ACOT12: variants seen among roughly 807,000 people sequenced by gnomAD.
ACOT12 encodes the protein acyl-CoA thioesterase 12.
Under a neutral mutation model 67.7 loss-of-function variants are expected in ACOT12, and 51 were observed. That is an observed-to-expected ratio of 0.75 (90% CI 0.60 to 0.95). The LOEUF is 0.95. Ranked by LOEUF, ACOT12 falls within the 40% of genes least tolerant of loss-of-function variation. The pLI is 0.00. For missense variants in ACOT12, 734 were observed against 708.1 expected (o/e 1.04, Z -0.41); for synonymous variants, 251 against 244.6 (o/e 1.03, Z -0.24).
intron 11 of ACOT12, among the ~76,000 whole-genome samples, chr5:81,339,579 G>T (rs1479933739): frequency 6.6e-6 from 1 of 152,132 alleles, no homozygotes; most frequent in Non-Finnish European, 1.5e-5. Context: ...GGTAAGAATG[G>T]CCTCCTCTCT....
At chr5:81,358,637 G>C (rs1759799479) in intron 5 of ACOT12, among the ~76,000 whole-genome samples, 1 of 152,154 alleles carries the variant, frequency 6.6e-6, no homozygotes, top group Non-Finnish European at 1.5e-5. Context: ...ATCACCTGAG[G>C]TTGGGAGTTC....
At chr5:81,341,577 A>G (rs1192549806) in intron 11 of ACOT12, among the ~76,000 whole-genome samples, 1 of 152,186 alleles carries the variant, frequency 6.6e-6, no homozygotes, top group Non-Finnish European at 1.5e-5. Flanking sequence ...ATCAGTGCAT[A>G]CTGAAATATG....
At chr5:81,370,133 T>C (rs181788264) in intron 3 of ACOT12, among the ~76,000 whole-genome samples, 1 of 151,940 alleles carries the variant, frequency 6.6e-6, no homozygotes. Context: ...ATACAAAAAT[T>C]AGTGGTGGCA....
chr5:81,326,534 C>A (rs992878519), downstream of ACOT12, among the ~76,000 whole-genome samples: 3 of 152,184 alleles, frequency 2.0e-5, no homozygotes, highest in Admixed American at 6.5e-5. Flanking sequence ...CAGCAAGCAG[C>A]ATAAGTATCA....
At chr5:81,376,933 C>T (rs984964824) in intron 2 of ACOT12, among the ~76,000 whole-genome samples, 3 of 152,184 alleles carry the variant, frequency 2.0e-5, no homozygotes, top group Non-Finnish European at 2.9e-5. Flanking sequence ...GGTACCATTC[C>T]TTCTGAAACA....
intron 6 of ACOT12, among the ~76,000 whole-genome samples, chr5:81,347,060 A>T (rs1759403365): frequency 6.6e-6 from 1 of 152,102 alleles, no homozygotes; most frequent in Non-Finnish European, 1.5e-5. Context: ...GGCCATAATT[A>T]TTTTTAACCA....
chr5:81,385,592 GC>G (rs1406313108), intron 2 of ACOT12, among the ~76,000 whole-genome samples, 164 bp downstream of exon 2: 1 of 152,088 alleles, frequency 6.6e-6, no homozygotes, highest in Non-Finnish European at 1.5e-5. Context: ...TTATAAGTAG[GC>G]CCTATGATTA....
Position 81,335,919 on chromosome 5 carries a change from A to G in ACOT12, c.1129-18T>C. ...ATTTTTATCTAAAAGACAACAAAAA[A>G]ATTAAATTACGAAAGAAAACTGATG... On this transcript the variant is annotated intron_variant, in intron 11 of 14. Transcript: ENST00000307624. The G allele has an allele frequency of 6.3e-7, 1 of 1,591,384 alleles. No homozygotes were observed.
chr5:81,367,282 G>A (rs569399354), intron 3 of ACOT12, among the ~76,000 whole-genome samples: 1 of 152,182 alleles, frequency 6.6e-6, no homozygotes, highest in East Asian at 1.9e-4. Flanking sequence ...AAATATGTGG[G>A]TATATATATA....
chr5:81,351,638 A>G (rs1368752926), intron 5 of ACOT12, among the ~76,000 whole-genome samples: 1 of 152,230 alleles, frequency 6.6e-6, no homozygotes, highest in Non-Finnish European at 1.5e-5. Context: ...TAAGACCTCA[A>G]ACTATAAAAC....
At chr5:81,337,765 T>C (rs1030057177) in intron 11 of ACOT12, among the ~76,000 whole-genome samples, 3 of 152,118 alleles carry the variant, frequency 2.0e-5, no homozygotes, top group African/African-American at 7.2e-5. Context: ...TGTGAGACAA[T>C]AGATTTCTAA....
intron 13 of ACOT12, among the ~76,000 whole-genome samples, chr5:81,331,732 T>C (rs887827385): frequency 5.9e-5 from 9 of 152,232 alleles, no homozygotes; most frequent in African/African-American, 2.2e-4. Context: ...ATGACATTTA[T>C]ATAAGCAAAT....
chr5:81,334,991 G>T (rs1758951392), intron 12 of ACOT12, among the ~76,000 whole-genome samples: 1 of 152,196 alleles, frequency 6.6e-6, no homozygotes, highest in South Asian at 2.1e-4. Context: ...CACACAGCTT[G>T]CTCTCTTAGC....
At chr5:81,384,101 G>A (rs1342824548) in intron 2 of ACOT12, among the ~76,000 whole-genome samples, 1 of 147,702 alleles carries the variant, frequency 6.8e-6, no homozygotes, top group East Asian at 2.0e-4. Context: ...ATGGTTAAGT[G>A]CCCTACATAG....
intron 13 of ACOT12, 118 bp downstream of exon 13, chr5:81,332,359 A>C: frequency 8.5e-7 from 1 of 1,173,842 alleles, no homozygotes; most frequent in Non-Finnish European, 1.2e-6. Context: ...GTATAATTCA[A>C]ATAAACATAA....
Position 81,330,706 on chromosome 5 carries a change from G to A in ACOT12, c.1518+108C>T. ...AGGATGACCTTAGGATTCCCATAGT[G>A]TGGACACAAATTACAAGATTACAAT... On this transcript the variant is annotated intron_variant, in intron 14 of 14. Transcript: ENST00000307624. 2.6e-6 allele frequency: 4 copies of A among 1,532,810 alleles called. No individual in the cohort carries two copies. In the South Asian group the frequency reaches 5.1e-5, roughly 19 times the overall value. 95.0% of individuals were successfully genotyped at this position (1,532,810 alleles called of 1,614,324 possible).
the ACOT12 span, among the ~76,000 whole-genome samples, chr5:81,314,032 A>C: frequency 1.5e-4 from 23 of 152,270 alleles, no homozygotes; most frequent in African/African-American, 5.5e-4. Flanking sequence ...AGTTAGGTCT[A>C]ATGCTTTTTG....
the ACOT12 span, among the ~76,000 whole-genome samples, chr5:81,318,267 C>G: frequency 6.6e-6 from 1 of 152,120 alleles, no homozygotes; most frequent in East Asian, 1.9e-4. Flanking sequence ...ATCCAGTTTT[C>G]CCAGCACTGT....
chr5:81,312,752 C>A, the ACOT12 span: 1 of 916,512 alleles, frequency 1.1e-6, no homozygotes, highest in Admixed American at 2.0e-5. Flanking sequence ...CCCCTGTAGC[C>A]AGGACTATGC....
Sources: gnomAD v4.1 joint callset for allele counts (sites outside exome capture counted in the v4.1 genomes callset) on GRCh38, gnomAD v4.1.1 for gene constraint, MANE v1.5 for transcripts, NCBI Gene and HGNC (gene_info 2026-07-23, HGNC 2026-07-21) for gene names.